ESRP1: variants seen among roughly 807,000 people sequenced by gnomAD.
ESRP1 encodes the protein epithelial splicing regulatory protein 1, also known as RNA-binding motif protein 35A.
ESRP1 carries 33 observed loss-of-function variants against 81.7 expected under a neutral mutation model. The ratio of observed to expected loss-of-function variants is 0.40; its 90% CI spans 0.31 to 0.54. The LOEUF is 0.54. Among genes scored for constraint, ESRP1 ranks in the 20% least tolerant of loss-of-function variants. ESRP1 has a pLI of 0.41. For synonymous variants in ESRP1, 320 were observed against 303.3 expected, an observed-to-expected ratio of 1.06 and a Z score of -0.57; for missense variants, 672 against 833.1, an observed-to-expected ratio of 0.81 and a Z score of 2.38.
At chr8:94,673,640 T>C (rs1016220206) in intron 11 of ESRP1, among the ~76,000 whole-genome samples, 3 of 152,240 alleles carry the variant, frequency 2.0e-5, no homozygotes, top group Non-Finnish European at 4.4e-5. Flanking sequence ...CTATTACTAA[T>C]AGAAAATGTC....
At chr8:94,684,903 T>C (rs1809075555) in intron 13 of ESRP1, among the ~76,000 whole-genome samples, 1 of 151,794 alleles carries the variant, frequency 6.6e-6, no homozygotes, top group South Asian at 2.1e-4. Context: ...GTGGCACCCA[T>C]TTGTAGTCCC....
chr8:94,669,107 A>C (rs1377292732), intron 10 of ESRP1, among the ~76,000 whole-genome samples: 3 of 152,190 alleles, frequency 2.0e-5, no homozygotes, highest in East Asian at 1.9e-4. Context: ...TTTGAGGCAC[A>C]AAATGAGGCA....
chr8:94,677,107 G>A (rs1808676233), intron 12 of ESRP1, among the ~76,000 whole-genome samples: 1 of 152,066 alleles, frequency 6.6e-6, no homozygotes, highest in African/African-American at 2.4e-5. Context: ...TATGAAAGAG[G>A]CACTCAAGTT....
intron 15 of ESRP1, among the ~76,000 whole-genome samples, chr8:94,697,782 T>A (rs1809662572): frequency 6.6e-6 from 1 of 152,116 alleles, no homozygotes; most frequent in South Asian, 2.1e-4. Flanking sequence ...TCTTTTATGT[T>A]TTATTTTTAT....
chr8:94,669,902 A>G (rs995444973), intron 10 of ESRP1, among the ~76,000 whole-genome samples: 2 of 151,242 alleles, frequency 1.3e-5, no homozygotes, highest in South Asian at 4.2e-4. Context: ...AAAAATTTAT[A>G]CCTTTTTGAA....
At chr8:94,682,981 G>A (rs1290947256) in intron 13 of ESRP1, among the ~76,000 whole-genome samples, 1 of 42,700 alleles carries the variant, frequency 2.3e-5, no homozygotes, top group African/African-American at 9.2e-5. Context: ...TTTCATTCTT[G>A]TTGCCCAGGC....
Position 94,681,798 on chromosome 8 carries a change from G to T in ESRP1, c.1820+3427G>T, listed in dbSNP as rs1808899735. The stretch of plus-strand genomic sequence containing the variant: ...CTAATACCAAAATTGCCAGGGCATG[G>T]TGGTGGGCACCTATAGTTCCAGCTA... On this transcript the variant is annotated intron_variant, in intron 13 of 15. Transcript: ENST00000433389. Among the ~76,000 whole-genome samples, 7 of 152,280 alleles carry T rather than the reference G, an allele frequency of 4.6e-5. No homozygotes were observed. The South Asian group carries it at 1.5e-3, about 32-fold the overall frequency.
chr8:94,701,910 C>T (rs1470886144), intron 15 of ESRP1, among the ~76,000 whole-genome samples: 1 of 152,144 alleles, frequency 6.6e-6, no homozygotes, highest in Non-Finnish European at 1.5e-5. Context: ...GAGACCTCGT[C>T]TCTACAAAAA....
At chr8:94,701,582 T>C (rs186327057) in intron 15 of ESRP1, among the ~76,000 whole-genome samples, 14 of 152,074 alleles carry the variant, frequency 9.2e-5, no homozygotes, top group African/African-American at 3.1e-4. Flanking sequence ...TCCAAGTTGC[T>C]TTCTTCTTTT....
At chr8:94,698,352 T>C (rs747240175) in intron 15 of ESRP1, among the ~76,000 whole-genome samples, 51 of 152,232 alleles carry the variant, frequency 3.4e-4, no homozygotes, top group Non-Finnish European at 7.1e-4. Flanking sequence ...GCAGACTGAT[T>C]TGTCCTTCGG....
chr8:94,651,440 G>A (rs557525707), intron 4 of ESRP1, among the ~76,000 whole-genome samples: 1 of 152,104 alleles, frequency 6.6e-6, no homozygotes, highest in Admixed American at 6.6e-5. Context: ...CCAAGTTGTA[G>A]AGTCACAAAG....
chr8:94,667,068 G>GGGGGGTGTGTGTGT (rs1554577644), intron 9 of ESRP1, among the ~76,000 whole-genome samples: 6 of 144,240 alleles, frequency 4.2e-5, no homozygotes, highest in Non-Finnish European at 6.0e-5. Context: ...CCAGGAGAGG[G>GGGGGGTGTGTGTGT]GTGTGTGTGT....
chr8:94,696,550 A>AGT (rs1463423567), intron 14 of ESRP1, among the ~76,000 whole-genome samples: 14 of 152,220 alleles, frequency 9.2e-5, no homozygotes, highest in African/African-American at 3.4e-4. Context: ...AGTAGCATGA[A>AGT]AACAGTACTA....
intron 13 of ESRP1, among the ~76,000 whole-genome samples, chr8:94,689,811 C>CTTTTTTTTTGTTTTTTTTTTTTTTTT (rs1809304970): frequency 1.5e-5 from 1 of 64,680 alleles, no homozygotes; most frequent in Non-Finnish European, 3.0e-5. Context: ...TGATGCCTGG[C>CTTTTTTTTTGTTTTTTTTTTTTTTTT]TTTTTTTTTT....
intron 15 of ESRP1, among the ~76,000 whole-genome samples, chr8:94,699,908 T>TA (rs72542166): frequency 0.68 from 101,872 of 150,618 alleles, 35,214 homozygotes; most frequent in African/African-American, 0.86. Context: ...TTTATATATA[T>TA]TTTTTTACCG....
intron 13 of ESRP1, among the ~76,000 whole-genome samples, chr8:94,686,542 C>T (rs77951131): frequency 0.024 from 3,580 of 152,292 alleles, 50 homozygotes; most frequent in Non-Finnish European, 0.035. Context: ...CAAGGACAGT[C>T]TCCTTGTTAG....
chr8:94,642,173 C>T (rs1249592837), intron 2 of ESRP1, 89 bp downstream of exon 2: 4 of 1,494,418 alleles, frequency 2.7e-6, no homozygotes, highest in Admixed American at 3.8e-5. Flanking sequence ...CGCGTGTTCC[C>T]GGAGCAGGGT....
Position 94,664,739 on chromosome 8 carries a change from A to T in ESRP1, c.687A>T (p.Ala229=), listed in dbSNP as rs1272689143. The change falls in exon 7 of 16, where the codon GCA becomes GCT. Residue 229 remains alanine (A), a synonymous_variant. Transcript: ENST00000433389. ...ELIDDNTVVR[A]RGLPWQSSDQ... is the part of the protein sequence containing the mutation. ...TTGATGATAACACCGTAGTCAGGGCACGAGGTTTACCATGGCAGTCTTCAG... is the reference window on the plus strand; with the variant it reads ...TTGATGATAACACCGTAGTCAGGGCTCGAGGTTTACCATGGCAGTCTTCAG... 1 of 1,614,018 alleles carries T rather than the reference A, an allele frequency of 6.2e-7. No individual in the cohort carries two copies. The highest frequency in any genetic ancestry group is 1.7e-5 in the Admixed American group (1 of 60,018).
intron 12 of ESRP1, among the ~76,000 whole-genome samples, chr8:94,677,273 T>C (rs755997497): frequency 6.6e-6 from 1 of 152,232 alleles, no homozygotes; most frequent in Non-Finnish European, 1.5e-5. Context: ...CTTGGGCCTC[T>C]GCTGATTGCA....
Sources: gnomAD v4.1 joint callset for allele counts (sites outside exome capture counted in the v4.1 genomes callset) on GRCh38, gnomAD v4.1.1 for gene constraint, MANE v1.5 for transcripts, NCBI Gene and HGNC (gene_info 2026-07-23, HGNC 2026-07-21) for gene names.